The following RARB variants were observed in gnomAD, a reference collection of about 807,000 sequenced individuals.
The protein encoded by RARB is HBV-activated protein.
A neutral mutation model predicts 51.9 loss-of-function variants in RARB; 17 were observed. The ratio of observed to expected loss-of-function variants is 0.33; its 90% CI spans 0.22 to 0.49. The LOEUF (loss-of-function observed/expected upper bound fraction) is 0.49. Ranked by LOEUF, RARB falls within the 20% of genes least tolerant of loss-of-function variation. The pLI, the probability that RARB is intolerant of heterozygous loss-of-function variation, is 0.99. For synonymous variants in RARB, 215 were observed against 195.4 expected (o/e 1.10, Z -0.84); for missense variants, 369 against 550.8 (o/e 0.67, Z 3.30).
In RARB at chr3:25,306,981, G is replaced by A. The variant is rs574649805; in HGVS notation, c.178+132406G>A. ...GCATTAAGCTCCCCACGCTAAGAGAGATACATTCCTTCACATTCTACTAGT... is the reference window on the plus strand; with the variant it reads ...GCATTAAGCTCCCCACGCTAAGAGAAATACATTCCTTCACATTCTACTAGT... On this transcript the variant is annotated intron_variant, in intron 5 of 11. Transcript: ENST00000383772. 4.6e-5 allele frequency among the ~76,000 whole-genome samples: 7 copies of A among 152,278 alleles called. No homozygotes were observed. The East Asian group carries it at 1.4e-3, about 29-fold the overall frequency.
chr3:25,501,204 A>G lies in RARB; in HGVS notation c.329A>G (p.Gln110Arg). ...CAGGGCTTTTTCCGCAGAAGTATTC[A>G]GAAGAATATGATTTACACTTGTCAC... ...GCKGFFRRSI[Q>R]KNMIYTCHRD... The change falls in exon 3 of 8, where the codon CAG (glutamine) becomes CGG (arginine). Residue 110 changes from glutamine (Q) to arginine (R), a missense_variant. Physicochemically the swap from Gln to Arg is conservative, Grantham distance 43 (BLOSUM62 1). This residue lies in a region of RARB where 26 missense variants were observed against 28.8 expected (regional missense o/e 0.90). Coordinates refer to ENST00000330688, the MANE Select transcript of RARB (RefSeq NM_000965.5). The G allele has an allele frequency of 6.3e-7, 1 of 1,595,702 alleles. No homozygotes were observed. The highest frequency in any genetic ancestry group is 8.5e-7 in the Non-Finnish European group (1 of 1,174,980).
At chr3:24,957,720 A>G (rs114040782) in intron 2 of RARB, among the ~76,000 whole-genome samples, 1 of 152,182 alleles carries the variant, frequency 6.6e-6, no homozygotes, top group Non-Finnish European at 1.5e-5. Flanking sequence ...TTTGACCTCA[A>G]CTGTGTTCAA....
intron 2 of RARB, among the ~76,000 whole-genome samples, chr3:24,996,409 A>G (rs1364915361): frequency 4.0e-5 from 6 of 151,860 alleles, no homozygotes; most frequent in Admixed American, 2.6e-4. Flanking sequence ...TTCACAAAAG[A>G]TTTTTGTTTT....
At chr3:24,899,382 G>C (rs1703548199) in intron 2 of RARB, among the ~76,000 whole-genome samples, 1 of 152,176 alleles carries the variant, frequency 6.6e-6, no homozygotes, top group Admixed American at 6.5e-5. Flanking sequence ...TAGGTACTCA[G>C]TTATCTCCCA....
At chr3:25,397,156 C>A (rs1317368378) in intron 5 of RARB, among the ~76,000 whole-genome samples, 4 of 152,340 alleles carry the variant, frequency 2.6e-5, no homozygotes, top group African/African-American at 9.6e-5. Context: ...GCAGCCCTCC[C>A]CAAGGGTCCC....
chr3:25,039,236 G>A (rs1487420855), intron 2 of RARB, among the ~76,000 whole-genome samples: 5 of 152,204 alleles, frequency 3.3e-5, no homozygotes, highest in African/African-American at 1.2e-4. Flanking sequence ...CAGAGGCGAA[G>A]TGGGAAGCTA....
intron 5 of RARB, among the ~76,000 whole-genome samples, chr3:25,419,014 G>T (rs767454099): frequency 6.7e-6 from 1 of 149,686 alleles, no homozygotes; most frequent in African/African-American, 2.4e-5. Flanking sequence ...CCGTAGAAAT[G>T]AAGACCCAAA....
intron 2 of RARB, among the ~76,000 whole-genome samples, chr3:24,889,839 T>C (rs1414112031): frequency 6.6e-6 from 1 of 151,728 alleles, no homozygotes; most frequent in Non-Finnish European, 1.5e-5. Context: ...AAGTTTCATA[T>C]TTATTAAGAG....
intron 5 of RARB, among the ~76,000 whole-genome samples, chr3:25,359,506 T>G (rs994130365): frequency 6.6e-6 from 1 of 152,194 alleles, no homozygotes; most frequent in Admixed American, 6.5e-5. Flanking sequence ...TTATTTCTTG[T>G]CTTCTGCTAG....
At chr3:25,212,748 T>C (rs1701728923) in intron 5 of RARB, among the ~76,000 whole-genome samples, 1 of 85,822 alleles carries the variant, frequency 1.2e-5, no homozygotes, top group African/African-American at 3.5e-5. Context: ...GTGCCAGTTA[T>C]TTTCCACTTT....
intron 2 of RARB, among the ~76,000 whole-genome samples, chr3:25,487,505 C>G (rs573659842): frequency 6.7e-6 from 1 of 148,490 alleles, no homozygotes. Flanking sequence ...TAAATGAGGA[C>G]ACCTAATGCG....
chr3:25,339,895 C>T (rs1423013765), intron 5 of RARB, among the ~76,000 whole-genome samples: 1 of 152,140 alleles, frequency 6.6e-6, no homozygotes, highest in African/African-American at 2.4e-5. Flanking sequence ...ACTTGCACAA[C>T]TCTGGCTGCA....
chr3:24,856,348 A>G (rs1049228159), intron 1 of RARB, among the ~76,000 whole-genome samples: 4 of 152,134 alleles, frequency 2.6e-5, no homozygotes, highest in Non-Finnish European at 4.4e-5. Flanking sequence ...AAGCCAATCA[A>G]TAGTATTAAG....
intron 3 of RARB, among the ~76,000 whole-genome samples, chr3:25,513,025 C>T (rs566703439): frequency 1.3e-5 from 2 of 151,012 alleles, no homozygotes; most frequent in Non-Finnish European, 2.9e-5. Flanking sequence ...TGCGATGGCT[C>T]ATGCCTGTAA....
intron 4 of RARB, among the ~76,000 whole-genome samples, chr3:25,170,005 A>G (rs200156842): frequency 0.021 from 1,859 of 88,700 alleles, 37 homozygotes; most frequent in African/African-American, 0.067. Flanking sequence ...AAAAAAAAAA[A>G]AAAGAAAGAA....
At chr3:25,234,337 T>C (rs1702253682) in intron 5 of RARB, among the ~76,000 whole-genome samples, 2 of 152,166 alleles carry the variant, frequency 1.3e-5, no homozygotes, top group African/African-American at 4.8e-5. Flanking sequence ...TATTAGACTT[T>C]GTGTCTGTAG....
intron 2 of RARB, among the ~76,000 whole-genome samples, chr3:24,868,853 C>G (rs1191573062): frequency 6.6e-6 from 1 of 152,106 alleles, no homozygotes; most frequent in Non-Finnish European, 1.5e-5. Flanking sequence ...CCTGCCACTT[C>G]CAGATGGCCT....
chr3:25,544,084 A>G (rs1244092811), intron 3 of RARB, among the ~76,000 whole-genome samples: 2 of 152,232 alleles, frequency 1.3e-5, no homozygotes, highest in Admixed American at 6.5e-5. Flanking sequence ...AGGGAACACT[A>G]TACTGGCATT....
chr3:25,313,864 G>T (rs938551819), intron 5 of RARB, among the ~76,000 whole-genome samples: 2 of 152,078 alleles, frequency 1.3e-5, no homozygotes, highest in Non-Finnish European at 2.9e-5. Flanking sequence ...GAGCCCAGGA[G>T]TTCAAGACCA....
Sources: allele counts gnomAD v4.1 joint callset (sites outside exome capture counted in the v4.1 genomes callset), GRCh38; gene constraint gnomAD v4.1.1; regional missense constraint gnomAD v4.1.1; transcripts MANE v1.5; gene names NCBI Gene and HGNC (gene_info 2026-07-23, HGNC 2026-07-21).